The following LRBA variants were observed in gnomAD, a reference collection of about 807,000 sequenced individuals.
LRBA encodes lipopolysaccharide-responsive and beige-like anchor protein.
LRBA carries 176 observed loss-of-function variants against 330.0 expected under a neutral mutation model. That is an observed-to-expected ratio of 0.53 (90% CI 0.47 to 0.60). The LOEUF (loss-of-function observed/expected upper bound fraction) is 0.60. LRBA is among the 20% of genes least tolerant of loss of function. The probability of loss-of-function intolerance (pLI) is 0.00; values close to 1 mark genes in which losing one functional copy is unlikely to be tolerated. For missense variants in LRBA, 3,259 were observed against 3,444.8 expected (o/e 0.95, Z 1.35); for synonymous variants, 1,230 against 1,193.0 (o/e 1.03, Z -0.64).
intron 49 of LRBA, 97 bp downstream of exon 49, chr4:150,325,710 CAT>C: frequency 1.2e-6 from 1 of 820,050 alleles, no homozygotes; most frequent in East Asian, 2.5e-5. Context: ...AACAAACCCA[CAT>C]ATGGTGGAGA....
At chr4:150,994,092 T>C (rs1047984672) in intron 2 of LRBA, among the ~76,000 whole-genome samples, 24 of 148,442 alleles carry the variant, frequency 1.6e-4, no homozygotes, top group African/African-American at 6.0e-4. Context: ...ATCAATTATG[T>C]GAAATTTAGA....
intron 2 of LRBA, among the ~76,000 whole-genome samples, chr4:150,937,618 T>A (rs909789741): frequency 2.2e-4 from 34 of 152,298 alleles, no homozygotes; most frequent in Admixed American, 1.8e-3. Flanking sequence ...TTCAAAACTC[T>A]CCATTTCAAC....
chr4:151,002,070 C>G (rs1038666813), intron 2 of LRBA, among the ~76,000 whole-genome samples: 1 of 151,934 alleles, frequency 6.6e-6, no homozygotes, highest in South Asian at 2.1e-4. Context: ...TCTGCCCAAC[C>G]AACATCATAG....
At chr4:150,662,763 T>C (rs547012281) in intron 37 of LRBA, among the ~76,000 whole-genome samples, 1 of 152,160 alleles carries the variant, frequency 6.6e-6, no homozygotes, top group South Asian at 2.1e-4. Context: ...GGCCTGGAGT[T>C]TGAGACCAGT....
At chr4:150,272,629 T>G (rs527780657) in intron 56 of LRBA, among the ~76,000 whole-genome samples, 57 of 151,812 alleles carry the variant, frequency 3.8e-4, no homozygotes, top group Non-Finnish European at 5.9e-5. Flanking sequence ...AATGACCTGA[T>G]GGAGCTGAAA....
chr4:150,998,399 G>C (rs1742942180), intron 2 of LRBA, among the ~76,000 whole-genome samples: 1 of 151,690 alleles, frequency 6.6e-6, no homozygotes. Context: ...TGTCGCCCAG[G>C]ATAGAGTACA....
chr4:150,270,972 G>A (rs1746011969), intron 56 of LRBA, among the ~76,000 whole-genome samples: 1 of 152,210 alleles, frequency 6.6e-6, no homozygotes, highest in South Asian at 2.1e-4. Flanking sequence ...GATTGACGCT[G>A]GGTGGATGAT....
chr4:150,268,694 G>A (rs1745677613), intron 56 of LRBA, among the ~76,000 whole-genome samples: 1 of 150,842 alleles, frequency 6.6e-6, no homozygotes, highest in African/African-American at 2.5e-5. Context: ...AATTTGACAT[G>A]TGACAAAATT....
intron 22 of LRBA, among the ~76,000 whole-genome samples, chr4:150,865,832 C>T (rs1185157313): frequency 1.1e-4 from 17 of 151,740 alleles, no homozygotes; most frequent in South Asian, 8.3e-4. Flanking sequence ...TCTCCTGCCT[C>T]GGCCCCCCAA....
intron 2 of LRBA, among the ~76,000 whole-genome samples, chr4:150,955,608 T>A (rs749710484): frequency 4.7e-5 from 7 of 147,884 alleles, no homozygotes; most frequent in Non-Finnish European, 8.8e-5. Context: ...AATAATGACG[T>A]AGGCCGGGCG....
intron 34 of LRBA, among the ~76,000 whole-genome samples, chr4:150,776,240 C>G (rs1031434468): frequency 6.6e-6 from 1 of 151,958 alleles, no homozygotes; most frequent in Non-Finnish European, 1.5e-5. Context: ...TCCCTTGAAC[C>G]CAGGAGGCAG....
At chr4:150,295,347 C>T (rs567863272) in intron 53 of LRBA, among the ~76,000 whole-genome samples, 2 of 152,032 alleles carry the variant, frequency 1.3e-5, no homozygotes, top group African/African-American at 4.8e-5. Context: ...GGACTACAGG[C>T]ACCACACCCA....
rs112904169 is a variant in LRBA, at chr4:150,350,555, G to A, written c.7195-396C>T. ...ACTTCACTCCAGCCTGGAAAAGAGC[G>A]AAACTCCATCTCAAAAAAAAAAAAA... On this transcript the variant is annotated intron_variant, in intron 47 of 56. Transcript: ENST00000651943. 8.0e-3 allele frequency among the ~76,000 whole-genome samples: 1,002 copies of A among 125,556 alleles called. 10 individuals carry two copies. The highest frequency in any genetic ancestry group is 0.027 in the African/African-American group (957 of 35,370). 82.4% of individuals were successfully genotyped at this position (125,556 alleles called of 152,430 possible).
chr4:150,997,664 CT>C (rs1742822107), intron 2 of LRBA, among the ~76,000 whole-genome samples: 1 of 151,832 alleles, frequency 6.6e-6, no homozygotes, highest in African/African-American at 2.4e-5. Context: ...AAAAACATGA[CT>C]CCTTTATATT....
intron 52 of LRBA, among the ~76,000 whole-genome samples, chr4:150,308,571 G>A (rs1366101671): frequency 1.3e-5 from 2 of 152,116 alleles, no homozygotes; most frequent in Non-Finnish European, 2.9e-5. Flanking sequence ...CCTTCAGGAG[G>A]TATTCCAAAA....
chr4:150,962,814 C>T lies in LRBA; in HGVS notation c.217-33749G>A, dbSNP rs187105096. Among the ~76,000 whole-genome samples, 7 of 147,454 alleles carry T rather than the reference C, an allele frequency of 4.7e-5. 1 individual carries two copies. Among genetic ancestry groups the T allele is most frequent in the Admixed American group, 2.0e-4 (3 of 15,104 alleles). On this transcript the variant is annotated intron_variant, in intron 2 of 56. Coordinates refer to ENST00000651943, the MANE Select transcript of LRBA (RefSeq NM_001364905.1). The stretch of plus-strand genomic sequence containing the variant: ...ACTAAAAATATAAAAATTAGCCGGG[C>T]GTGGTGGCATGTGCCTATAATCCCA...
intron 2 of LRBA, among the ~76,000 whole-genome samples, chr4:150,970,102 ACT>A (rs1384906465): frequency 6.6e-6 from 1 of 152,130 alleles, no homozygotes; most frequent in Non-Finnish European, 1.5e-5. Flanking sequence ...AGATTAGGAC[ACT>A]CTGAATGCTC....
chr4:150,870,556 A>G lies in LRBA; in HGVS notation c.2418T>C (p.Asp806=), dbSNP rs751123991. ...GTQVIHKQHP[D]PDSSVKIQNP... ...TTTGTATCTTCACTGAAGAATCAGG[A>G]TCTGGATGCTGTTTATGTATCACCT... The change falls in exon 20 of 57, where the codon GAT becomes GAC. Residue 806 remains aspartate, a synonymous_variant. Transcript: ENST00000651943. 10 of 1,597,164 alleles carry G rather than the reference A, an allele frequency of 6.3e-6. No homozygotes were observed. The Admixed American group carries it at 1.5e-4, about 24-fold the overall frequency.
At chr4:150,778,743 G>T (rs890158661) in intron 34 of LRBA, among the ~76,000 whole-genome samples, 1 of 152,124 alleles carries the variant, frequency 6.6e-6, no homozygotes, top group African/African-American at 2.4e-5. Flanking sequence ...ACATTTAGGA[G>T]CCATATAAAT....
Sources: allele counts gnomAD v4.1 joint callset (sites outside exome capture counted in the v4.1 genomes callset), GRCh38; gene constraint gnomAD v4.1.1; transcripts MANE v1.5; gene names NCBI Gene and HGNC (gene_info 2026-07-23, HGNC 2026-07-21).